Variants in WDR17 observed in about 807,000 individuals in gnomAD.
The protein encoded by WDR17 is WD repeat domain 17.
Under a neutral mutation model 161.7 loss-of-function variants are expected in WDR17, and 143 were observed. That is an observed-to-expected ratio of 0.88 (90% CI 0.77 to 1.02). The LOEUF (loss-of-function observed/expected upper bound fraction) is 1.02, where lower values mean the gene tolerates loss of function less well. WDR17 is among the 50% of genes least tolerant of loss of function. WDR17 has a pLI of 0.00. For synonymous variants in WDR17, 517 were observed against 515.6 expected (o/e 1.00, Z -0.04); for missense variants, 1,469 against 1,520.9 (o/e 0.97, Z 0.57).
chr4:176,132,182 TTA>T (rs34399727), intron 7 of WDR17, among the ~76,000 whole-genome samples: 5,048 of 152,136 alleles, frequency 0.033, 228 homozygotes, highest in African/African-American at 0.11. Context: ...AATTCTGTTT[TTA>T]TGATAATTAA....
rs9997517 is a variant in WDR17 at position 176,085,333 on chromosome 4, A to G, written c.-7+19254A>G. ...CACGTCTTTTTCAGGTTTGGGGAAG[A>G]TATAAAGAAGTGAGAAGTGATTCCT... On this transcript the variant is annotated intron_variant, in intron 1 of 28. Coordinates refer to ENST00000508596, the MANE Select transcript of WDR17 (RefSeq NM_181265.4). 8.1e-3 allele frequency among the ~76,000 whole-genome samples: 1,231 copies of G among 152,218 alleles called. 29 individuals are homozygous for G. Among genetic ancestry groups the G allele is most frequent in the African/African-American group, 0.027 (1,136 of 41,574 alleles).
intron 1 of WDR17, among the ~76,000 whole-genome samples, chr4:176,081,956 C>T (rs1734800919): frequency 6.6e-6 from 1 of 152,066 alleles, no homozygotes; most frequent in South Asian, 2.1e-4. Flanking sequence ...ACTCTGTTGG[C>T]AGGGAAGGAG....
rs956150246 is a variant in WDR17, at chr4:176,173,407, T to C, written c.3347+38T>C. 3.6e-6 allele frequency: 5 copies of C among 1,393,396 alleles called. No individual in the cohort carries two copies. In the African/African-American group the frequency reaches 7.1e-5, roughly 20 times the overall value. 86.3% of individuals were successfully genotyped at this position (1,393,396 alleles called of 1,614,324 possible). On this transcript the variant is annotated intron_variant, in intron 25 of 28. Coordinates refer to ENST00000508596, the MANE Select transcript of WDR17 (RefSeq NM_181265.4). ...TCTGCAAAATATATAAGTGAATCTATTTGATAATTTTAAAGTGGCTCCATT... is the reference window on the plus strand; with the variant it reads ...TCTGCAAAATATATAAGTGAATCTACTTGATAATTTTAAAGTGGCTCCATT...
chr4:176,149,764 T>G, intron 13 of WDR17, 43 bp from the exon 14 acceptor site: 1 of 1,596,478 alleles, frequency 6.3e-7, no homozygotes, highest in South Asian at 1.2e-5. Context: ...AAAAATATTT[T>G]TCAATGTTCA....
At chr4:176,126,345 CAG>C (rs67032682) in intron 5 of WDR17, among the ~76,000 whole-genome samples, 1 of 151,924 alleles carries the variant, frequency 6.6e-6, no homozygotes. Flanking sequence ...TGATTGTGTT[CAG>C]AGAGAGAGAC....
At chr4:176,173,735 T>C (rs1203863771) in intron 25 of WDR17, among the ~76,000 whole-genome samples, 1 of 152,016 alleles carries the variant, frequency 6.6e-6, no homozygotes, top group Admixed American at 6.6e-5. Context: ...CAGGATGGTC[T>C]CGATCTCCTG....
At chr4:176,159,149 G>C (rs980885052) in intron 18 of WDR17, among the ~76,000 whole-genome samples, 2 of 152,052 alleles carry the variant, frequency 1.3e-5, no homozygotes, top group African/African-American at 4.8e-5. Context: ...GTAAATGCTA[G>C]CATAAATTAA....
At chr4:176,079,989 A>G (rs944188904) in intron 1 of WDR17, among the ~76,000 whole-genome samples, 2 of 152,068 alleles carry the variant, frequency 1.3e-5, no homozygotes, top group Admixed American at 1.3e-4. Flanking sequence ...TTTGTTCACA[A>G]GGGCAGAACC....
At position 176,135,136 on chromosome 4, in the gene WDR17, A is replaced by C. The variant is rs1744196018; in HGVS notation, c.1127A>C (p.Lys376Thr). The C allele has an allele frequency of 6.2e-7, 1 of 1,612,006 alleles. No homozygotes were observed. Among genetic ancestry groups the C allele is most frequent in the African/African-American group, 1.3e-5 (1 of 74,810 alleles). The part of the protein sequence containing the change: ...LGHVETIFDC[K>T]FKPDDPNLLA... Reference sequence around the variant, plus strand: ...CATGTGGAAACTATCTTTGACTGCAAATTCAAACCTGACGATCCTAATCTT... The same window carrying C: ...CATGTGGAAACTATCTTTGACTGCACATTCAAACCTGACGATCCTAATCTT... Residue 376 changes from lysine (K) to threonine (T), a missense_variant, in exon 8 of 29, where the codon AAA becomes ACA. Coordinates refer to ENST00000508596, the MANE Select transcript of WDR17 (RefSeq NM_181265.4).
rs1226601302 is a variant in WDR17 at position 176,142,007 on chromosome 4, A to C, written c.1467A>C (p.Lys489Asn). 6.2e-7 allele frequency: 1 copy of C among 1,604,048 alleles called. No individual in the cohort carries two copies. Among genetic ancestry groups the C allele is most frequent in the Admixed American group, 1.7e-5 (1 of 59,838 alleles). ...GFCIIRTIDG[K>N]VLHKYKHPAA... Reference sequence around the variant, plus strand: ...GTATTATTCGAACAATTGATGGTAAAGTGCTACACAAATATAAACATCCAG... The same window carrying C: ...GTATTATTCGAACAATTGATGGTAACGTGCTACACAAATATAAACATCCAG... Residue 489 changes from lysine (K) to asparagine (N), a missense_variant, in exon 11 of 29, where the codon AAA becomes AAC. Physicochemically the swap from Lys to Asn is moderately conservative, Grantham distance 94 (BLOSUM62 0). Coordinates refer to ENST00000508596, the MANE Select transcript of WDR17 (RefSeq NM_181265.4).
At position 176,120,105 on chromosome 4, in the gene WDR17, T is replaced by A; in HGVS notation, c.538+8T>A. The A allele has an allele frequency of 6.2e-7, 1 of 1,601,980 alleles. No homozygotes were observed. The highest frequency in any genetic ancestry group is 8.5e-7 in the Non-Finnish European group (1 of 1,169,726). On this transcript the variant is annotated splice_region_variant and intron_variant, in intron 4 of 28. Coordinates refer to ENST00000508596, the MANE Select transcript of WDR17 (RefSeq NM_181265.4). ...TATCAATTTTTCATCCAGGTAAGAA[T>A]TTAATTAGCAAGGTATCTTAAATAG...
chr4:176,171,264 TTTC>T (rs1312244422), intron 23 of WDR17, among the ~76,000 whole-genome samples: 1 of 152,344 alleles, frequency 6.6e-6, no homozygotes, highest in African/African-American at 2.4e-5. Flanking sequence ...TGATCATCTT[TTTC>T]TTCTTCTTAT....
chr4:176,155,902 A>G (rs1466736379), intron 17 of WDR17, among the ~76,000 whole-genome samples, 177 bp from the exon 18 acceptor site: 1 of 151,740 alleles, frequency 6.6e-6, no homozygotes, highest in Non-Finnish European at 1.5e-5. Context: ...AGTGCTCTTT[A>G]AAGATTTTTT....
intron 17 of WDR17, among the ~76,000 whole-genome samples, chr4:176,152,878 G>A (rs950789708): frequency 6.6e-6 from 1 of 151,382 alleles, no homozygotes; most frequent in Non-Finnish European, 1.5e-5. Flanking sequence ...GAGGTTGCAC[G>A]GAGCCGAGAT....
chr4:176,145,879 A>G, intron 11 of WDR17, 116 bp from the exon 12 acceptor site: 2 of 906,294 alleles, frequency 2.2e-6, no homozygotes, highest in South Asian at 4.9e-5. Flanking sequence ...TTTTTAGTCT[A>G]ACTTCACTAA....
In WDR17 at chr4:176,109,798, G is replaced by T. The variant is rs1739404567; in HGVS notation, c.-6-1777G>T. 2.0e-5 allele frequency among the ~76,000 whole-genome samples: 3 copies of T among 152,160 alleles called. 1 individual carries two copies. The South Asian group carries it at 6.2e-4, about 31-fold the overall frequency. The stretch of plus-strand genomic sequence containing the variant: ...TCTATAAGACTTGAGATGTAGATCA[G>T]ATGTGTATAAATTTATGTGTGTAGG... On this transcript the variant is annotated intron_variant, in intron 1 of 28. Coordinates refer to ENST00000508596, the MANE Select transcript of WDR17 (RefSeq NM_181265.4).
intron 1 of WDR17, among the ~76,000 whole-genome samples, chr4:176,102,013 T>G (rs1737905919): frequency 6.6e-6 from 1 of 152,178 alleles, no homozygotes; most frequent in Admixed American, 6.6e-5. Flanking sequence ...GAAAAATAAT[T>G]GATAAGCTGG....
At chr4:176,165,582 G>A (rs996083871) in intron 22 of WDR17, among the ~76,000 whole-genome samples, 88 of 152,042 alleles carry the variant, frequency 5.8e-4, no homozygotes, top group Non-Finnish European at 2.1e-4. Flanking sequence ...TATCCTTTAT[G>A]TATTATATAC....
rs886949408 is a variant in WDR17 at position 176,155,986 on chromosome 4, AT to A, written c.2461-91del. The A allele has an allele frequency of 5.3e-6, 6 of 1,130,404 alleles. No individual in the cohort carries two copies. In the African/African-American group the frequency reaches 9.7e-5, roughly 18 times the overall value. The allele number at this position is 1,130,404 out of a possible 1,614,324, so 70.0% of individuals were successfully genotyped here. ...AAGAACTCAAATATAAAAATACTAT[AT>A]TATAAATACCAATCTATTTTTTAAG... On this transcript the variant is annotated intron_variant, in intron 17 of 28. Coordinates refer to ENST00000508596, the MANE Select transcript of WDR17 (RefSeq NM_181265.4).
Sources: allele counts gnomAD v4.1 joint callset (sites outside exome capture counted in the v4.1 genomes callset), GRCh38; gene constraint gnomAD v4.1.1; transcripts MANE v1.5; gene names NCBI Gene and HGNC (gene_info 2026-07-23, HGNC 2026-07-21).